Variants in FAM120A observed in about 807,000 individuals in gnomAD.
FAM120A encodes the protein constitutive coactivator of PPAR-gamma-like protein 1.
Under a neutral mutation model 109.7 loss-of-function variants are expected in FAM120A, and 15 were observed. That is an observed-to-expected ratio of 0.14 (90% CI 0.09 to 0.21). FAM120A has a LOEUF of 0.21. FAM120A is among the 10% of genes least tolerant of loss of function. FAM120A has a pLI of 1.00. For synonymous variants in FAM120A, 493 were observed against 572.8 expected, an observed-to-expected ratio of 0.86 and a Z score of 1.99; for missense variants, 899 against 1,439.3, an observed-to-expected ratio of 0.62 and a Z score of 6.07.
At chr9:93,552,341 C>A (rs1249522832) in intron 12 of FAM120A, among the ~76,000 whole-genome samples, 4 of 152,138 alleles carry the variant, frequency 2.6e-5, no homozygotes, top group African/African-American at 7.2e-5. Flanking sequence ...TCTCCTGGTT[C>A]TTCATCTAAA....
At chr9:93,488,343 C>G (rs1393468141) in intron 3 of FAM120A, among the ~76,000 whole-genome samples, 1 of 152,114 alleles carries the variant, frequency 6.6e-6, no homozygotes, top group Non-Finnish European at 1.5e-5. Flanking sequence ...GTGAGCTGAT[C>G]TTGTGGATGG....
chr9:93,479,651 G>C (rs1166452717), intron 3 of FAM120A, among the ~76,000 whole-genome samples: 4 of 152,186 alleles, frequency 2.6e-5, no homozygotes, highest in African/African-American at 9.7e-5. Context: ...GAAGTCATCA[G>C]TAGTCGATAA....
In FAM120A at chr9:93,532,383, G is replaced by T. The variant is rs750950288; in HGVS notation, c.1909+54G>T. 2 of 1,591,024 alleles carry T rather than the reference G, an allele frequency of 1.3e-6. No individual in the cohort carries two copies. The highest frequency in any genetic ancestry group is 1.3e-5 in the African/African-American group (1 of 74,420). On this transcript the variant is annotated intron_variant, in intron 10 of 17. Coordinates refer to ENST00000277165, the MANE Select transcript of FAM120A (RefSeq NM_014612.5). This position sits in a 1 kb window ranked among gnomAD's most constrained non-coding sequence, Gnocchi z 4.3. ...TTTCCTCGGTACCTCGTAATCTCTTGTGCATTTTCTAAAGCCTTAGAAGAA... is the reference window on the plus strand; with the variant it reads ...TTTCCTCGGTACCTCGTAATCTCTTTTGCATTTTCTAAAGCCTTAGAAGAA...
In FAM120A at chr9:93,532,381, T is replaced by G; in HGVS notation, c.1909+52T>G. Reference sequence around the variant, plus strand: ...GTTTTCCTCGGTACCTCGTAATCTCTTGTGCATTTTCTAAAGCCTTAGAAG... The same window carrying G: ...GTTTTCCTCGGTACCTCGTAATCTCGTGTGCATTTTCTAAAGCCTTAGAAG... On this transcript the variant is annotated intron_variant, in intron 10 of 17. Coordinates refer to ENST00000277165, the MANE Select transcript of FAM120A (RefSeq NM_014612.5). This position sits in a 1 kb window ranked among gnomAD's most constrained non-coding sequence, Gnocchi z 4.3. 22 of 1,588,738 alleles carry G rather than the reference T, an allele frequency of 1.4e-5. No individual in the cohort carries two copies. The highest frequency in any genetic ancestry group is 1.7e-5 in the Non-Finnish European group (20 of 1,157,514).
chr9:93,557,599 T>A (rs1165303596), intron 13 of FAM120A, among the ~76,000 whole-genome samples: 1 of 152,212 alleles, frequency 6.6e-6, no homozygotes, highest in Non-Finnish European at 1.5e-5. Flanking sequence ...GCAACAAAAA[T>A]CTTTGCCGTG....
At chr9:93,502,594 A>ACACACACACG (rs1313908163) in intron 5 of FAM120A, among the ~76,000 whole-genome samples, 4 of 151,718 alleles carry the variant, frequency 2.6e-5, no homozygotes. Context: ...ACACACACAC[A>ACACACACACG]CACACGCACA....
chr9:93,559,989 T>C (rs1356364549), intron 15 of FAM120A, among the ~76,000 whole-genome samples: 2 of 152,188 alleles, frequency 1.3e-5, no homozygotes, highest in African/African-American at 4.8e-5. Flanking sequence ...CAGACTAAAA[T>C]AGCTAATCAA....
chr9:93,465,139 G>T (rs1246328922), intron 1 of FAM120A, among the ~76,000 whole-genome samples: 1 of 152,142 alleles, frequency 6.6e-6, no homozygotes, highest in Non-Finnish European at 1.5e-5. Flanking sequence ...AGTACTTAAC[G>T]TTTATTCTTA....
At chr9:93,492,124 G>A (rs1859348572) in intron 3 of FAM120A, among the ~76,000 whole-genome samples, 1 of 151,850 alleles carries the variant, frequency 6.6e-6, no homozygotes, top group Non-Finnish European at 1.5e-5. Context: ...CCACTTGTAA[G>A]TATATTGATA....
chr9:93,454,315 T>C (rs1460468912), intron 1 of FAM120A, among the ~76,000 whole-genome samples: 1 of 152,246 alleles, frequency 6.6e-6, no homozygotes, highest in Non-Finnish European at 1.5e-5. Context: ...GTCTCTTAGC[T>C]GGCAACCTTA....
chr9:93,490,401 G>T (rs1450619162), intron 3 of FAM120A, among the ~76,000 whole-genome samples: 2 of 152,194 alleles, frequency 1.3e-5, no homozygotes, highest in Non-Finnish European at 2.9e-5. Flanking sequence ...GTGGATTTTA[G>T]AGATTAGGTC....
intron 1 of FAM120A, among the ~76,000 whole-genome samples, chr9:93,460,910 T>G (rs1857767406): frequency 6.6e-6 from 1 of 152,174 alleles, no homozygotes; most frequent in South Asian, 2.1e-4. Context: ...CTTTTATGCT[T>G]CTTAACTTAG....
intron 1 of FAM120A, among the ~76,000 whole-genome samples, chr9:93,464,422 A>T (rs551286723): frequency 2.0e-5 from 3 of 152,162 alleles, no homozygotes; most frequent in Non-Finnish European, 4.4e-5. Context: ...CACTTCTTAA[A>T]CTTGTCAACA....
intron 1 of FAM120A, among the ~76,000 whole-genome samples, 200 bp from the exon 2 acceptor site, chr9:93,470,941 T>G (rs2131258333): frequency 6.6e-6 from 1 of 152,334 alleles, no homozygotes; most frequent in South Asian, 2.1e-4. Context: ...CAGGAGATGA[T>G]TTAAATGCGA....
chr9:93,563,225 A>G (rs1178090075), intron 17 of FAM120A, among the ~76,000 whole-genome samples: 3 of 152,310 alleles, frequency 2.0e-5, no homozygotes, highest in Admixed American at 6.5e-5. Flanking sequence ...GAGGCCTAGA[A>G]GATGCTGGAA....
chr9:93,548,164 G>A (rs953531323), intron 11 of FAM120A, among the ~76,000 whole-genome samples: 1 of 152,028 alleles, frequency 6.6e-6, no homozygotes, highest in Admixed American at 6.6e-5. Context: ...GGAGTGCAGT[G>A]GTGCCATCTC....
At chr9:93,487,222 C>T (rs1181644351) in intron 3 of FAM120A, among the ~76,000 whole-genome samples, 4 of 152,082 alleles carry the variant, frequency 2.6e-5, no homozygotes, top group African/African-American at 9.7e-5. Context: ...AGTGCAGTGG[C>T]GTGATCTTAG....
Position 93,517,263 on chromosome 9 carries a change from G to A in FAM120A, c.1418+994G>A, listed in dbSNP as rs142192436. On this transcript the variant is annotated intron_variant, in intron 7 of 17. Coordinates refer to ENST00000277165, the MANE Select transcript of FAM120A (RefSeq NM_014612.5). ...AATGTTGATTTGTTGTATGTGCAGA[G>A]AAGTATAAAATTAATAAATGTTTAT... Among the ~76,000 whole-genome samples the A allele has an allele frequency of 1.7e-3, 258 of 152,340 alleles. 3 individuals are homozygous for A. Among genetic ancestry groups the A allele is most frequent in the Admixed American group, 6.1e-3 (93 of 15,302 alleles).
At chr9:93,464,747 A>G (rs1857939622) in intron 1 of FAM120A, among the ~76,000 whole-genome samples, 1 of 152,242 alleles carries the variant, frequency 6.6e-6, no homozygotes, top group Non-Finnish European at 1.5e-5. Context: ...ACTTTCAGCA[A>G]GGAGGCAGCT....
Sources: allele counts gnomAD v4.1 joint callset (sites outside exome capture counted in the v4.1 genomes callset), GRCh38; gene constraint gnomAD v4.1.1; non-coding constraint Gnocchi (gnomAD v3.1); transcripts MANE v1.5; gene names NCBI Gene and HGNC (gene_info 2026-07-23, HGNC 2026-07-21).